The following HEATR1 variants were observed in gnomAD, a reference collection of about 807,000 sequenced individuals.
The protein encoded by HEATR1 is HEAT repeat containing 1.
Under a neutral mutation model 248.2 loss-of-function variants are expected in HEATR1, and 77 were observed. That is an observed-to-expected ratio of 0.31 (90% confidence interval 0.26 to 0.37). The LOEUF (loss-of-function observed/expected upper bound fraction) is 0.37. HEATR1 is among the 10% of genes least tolerant of loss of function. The pLI, the probability that HEATR1 is intolerant of heterozygous loss-of-function variation, is 1.00. For missense variants in HEATR1, 2,420 were observed against 2,504.9 expected, an observed-to-expected ratio of 0.97 and a Z score of 0.72; for synonymous variants, 897 against 923.1, an observed-to-expected ratio of 0.97 and a Z score of 0.51.
At chr1:236,582,648 C>T in intron 19 of HEATR1, 88 bp downstream of exon 19, 1 of 1,384,884 alleles carries the variant, frequency 7.2e-7, no homozygotes, top group Non-Finnish European at 1.0e-6. Flanking sequence ...AGTGATCCGC[C>T]TGCCTCGGCC....
chr1:236,586,183 CTTG>C, intron 15 of HEATR1, 55 bp downstream of exon 15: 2 of 1,408,946 alleles, frequency 1.4e-6, no homozygotes, highest in South Asian at 2.7e-5. Context: ...TTAAATTTTC[CTTG>C]TTTTCTTTTG....
At chr1:236,579,682 A>ATTAC (rs1255523562) in intron 20 of HEATR1, among the ~76,000 whole-genome samples, 1 of 152,178 alleles carries the variant, frequency 6.6e-6, no homozygotes, top group African/African-American at 2.4e-5. Context: ...CTTAACAGTA[A>ATTAC]ACTCACCTAA....
intron 33 of HEATR1, 59 bp from the exon 34 acceptor site, chr1:236,559,896 A>G (rs1419183776): frequency 4.7e-6 from 7 of 1,501,660 alleles, no homozygotes; most frequent in Non-Finnish European, 6.3e-6. Context: ...GAACTTGTTC[A>G]TGTCTACCTT....
chr1:236,603,167 T>C lies in HEATR1; in HGVS notation c.352A>G (p.Ile118Val), dbSNP rs1306018489. ...TGTAATTCTATTAGCTACCTGTGAA[T>C]CAACCACTCCAGACACTTCTGTGCT... is the stretch of plus-strand genomic sequence containing the variant. ...KPAQKCLEWL[I>V]HRFHIHLYNQ... Residue 118 changes from isoleucine to valine, a missense_variant, in exon 3 of 45, where the codon ATT (isoleucine) becomes GTT (valine). Physicochemically the swap from Ile to Val is conservative, Grantham distance 29. Transcript: ENST00000366582. The C allele has an allele frequency of 1.2e-6, 2 of 1,611,444 alleles. No homozygotes were observed. Among genetic ancestry groups the C allele is most frequent in the Non-Finnish European group, 1.7e-6 (2 of 1,177,638 alleles).
At chr1:236,556,362 C>G (rs962352062) in intron 37 of HEATR1, 104 bp from the exon 38 acceptor site, 3 of 1,211,102 alleles carry the variant, frequency 2.5e-6, no homozygotes, top group Non-Finnish European at 3.5e-6. Context: ...TTGGAAAATG[C>G]TTAGCACTTT....
intron 30 of HEATR1, among the ~76,000 whole-genome samples, chr1:236,566,359 A>G (rs1572036936): frequency 6.6e-6 from 1 of 152,188 alleles, no homozygotes; most frequent in East Asian, 1.9e-4. Flanking sequence ...CTCTTCAGCC[A>G]TACTCTGCTG....
At chr1:236,575,826 G>A (rs1558184692) in intron 22 of HEATR1, among the ~76,000 whole-genome samples, 2 of 152,018 alleles carry the variant, frequency 1.3e-5, no homozygotes, top group African/African-American at 4.8e-5. Flanking sequence ...TATAATAAAC[G>A]AGCAAATGAT....
chr1:236,572,421 A>C lies in HEATR1; in HGVS notation c.3697T>G (p.Leu1233Val), dbSNP rs1336910497. ...GCCAAGTGTCATTACCTTGATAGCA[A>C]GTTAAAAAGAGTTGGCACCAATATC... ...PQILVPTLFNLLSRCLEPLPQ... is the reference protein window; with the variant it reads ...PQILVPTLFNVLSRCLEPLPQ... The change falls in exon 26 of 45, where the codon TTG (leucine) becomes GTG (valine). Residue 1233 changes from leucine (L) to valine (V), a missense_variant. Coordinates refer to ENST00000366582, the MANE Select transcript of HEATR1 (RefSeq NM_018072.6). 1 of 1,614,072 alleles carries C rather than the reference A, an allele frequency of 6.2e-7. No homozygotes were observed. Among genetic ancestry groups the C allele is most frequent in the Non-Finnish European group, 8.5e-7 (1 of 1,179,948 alleles).
chr1:236,568,898 C>CAA (rs398053926), intron 29 of HEATR1, 98 bp downstream of exon 29: 381 of 526,900 alleles, frequency 7.2e-4, no homozygotes, highest in Middle Eastern at 2.0e-3. Context: ...AAAAAAAAAA[C>CAA]AAAAAAAAAA....
intron 11 of HEATR1, among the ~76,000 whole-genome samples, chr1:236,591,411 G>C (rs1664035473): frequency 6.6e-6 from 1 of 152,054 alleles, no homozygotes; most frequent in Non-Finnish European, 1.5e-5. Flanking sequence ...ATTTGGAAAT[G>C]CAACACCATT....
At chr1:236,601,117 T>C (rs1664312083) in intron 3 of HEATR1, among the ~76,000 whole-genome samples, 1 of 152,212 alleles carries the variant, frequency 6.6e-6, no homozygotes, top group South Asian at 2.1e-4. Flanking sequence ...GATGGAAATA[T>C]TACAGACTTT....
At chr1:236,594,167 A>AATG in intron 8 of HEATR1, 53 bp from the exon 9 acceptor site, 1 of 1,161,936 alleles carries the variant, frequency 8.6e-7, no homozygotes, top group Non-Finnish European at 1.3e-6. Flanking sequence ...TTGCAAGCTA[A>AATG]CATTATTAAA....
At chr1:236,585,659 T>C (rs947862562) in intron 16 of HEATR1, among the ~76,000 whole-genome samples, 161 bp downstream of exon 16, 23 of 152,108 alleles carry the variant, frequency 1.5e-4, no homozygotes, top group African/African-American at 5.3e-4. Flanking sequence ...TTTCAAACAT[T>C]GCACAGAATA....
intron 16 of HEATR1, among the ~76,000 whole-genome samples, chr1:236,585,532 CAACA>C (rs1465700705): frequency 2.0e-5 from 3 of 151,716 alleles, no homozygotes; most frequent in Admixed American, 2.0e-4. Context: ...ACAACAACAA[CAACA>C]AAAAGACTAA....
rs540900763 is a variant in HEATR1 at position 236,596,987 on chromosome 1, G to A, written c.604-11C>T. 235 of 1,608,638 alleles carry A rather than the reference G, an allele frequency of 1.5e-4. 3 individuals are homozygous for A. The South Asian group carries it at 2.4e-3, about 16-fold the overall frequency. ...GTACTCAGCAAAAACCTGAAACAAG[G>A]AACACAAACAAAACACATTTAACAG... On this transcript the variant is annotated splice_polypyrimidine_tract_variant and intron_variant, in intron 5 of 44. Transcript: ENST00000366582.
chr1:236,572,578 G>A lies in HEATR1; in HGVS notation c.3564-24C>T, dbSNP rs200485460. On this transcript the variant is annotated intron_variant, in intron 25 of 44. Transcript: ENST00000366582. ...TTCTGGAAAATGGAGAAGACAAAAC[G>A]TTGGAAAAGCAAACTCTATCATGTG... 2.2e-4 allele frequency: 351 copies of A among 1,612,710 alleles called. 1 individual carries two copies. The highest frequency in any genetic ancestry group is 6.2e-4 in the South Asian group (56 of 90,960).
rs1015681898 is a variant in HEATR1, at chr1:236,570,713, C to T, written c.3948+638G>A. 4.6e-5 allele frequency among the ~76,000 whole-genome samples: 7 copies of T among 151,816 alleles called. No individual in the cohort carries two copies. In the East Asian group the frequency reaches 1.4e-3, roughly 29 times the overall value. ...TGATTCTTAACTGTTTCTGGATTAT[C>T]AACCCCTTTGAGAAGCACAGACTCT... On this transcript the variant is annotated intron_variant, in intron 28 of 44. Coordinates refer to ENST00000366582, the MANE Select transcript of HEATR1 (RefSeq NM_018072.6).
chr1:236,557,126 T>C (rs1662998763), intron 37 of HEATR1, 69 bp downstream of exon 37: 1 of 1,496,368 alleles, frequency 6.7e-7, no homozygotes, highest in Non-Finnish European at 9.0e-7. Flanking sequence ...AAAAACAAAA[T>C]CACTACATTT....
intron 21 of HEATR1, 89 bp downstream of exon 21, chr1:236,576,691 C>T (rs1663568171): frequency 8.2e-7 from 1 of 1,226,908 alleles, no homozygotes; most frequent in Non-Finnish European, 1.1e-6. Flanking sequence ...CCATCAAAAT[C>T]CCTACACAGT....
Sources: gnomAD v4.1 joint callset for allele counts (sites outside exome capture counted in the v4.1 genomes callset) on GRCh38, gnomAD v4.1.1 for gene constraint, MANE v1.5 for transcripts, NCBI Gene and HGNC (gene_info 2026-07-23, HGNC 2026-07-21) for gene names.